The following COL6A5 variants were observed in gnomAD, a reference collection of about 807,000 sequenced individuals.
The protein encoded by COL6A5 is collagen alpha-5(VI) chain.
A neutral mutation model predicts 65.6 loss-of-function variants in COL6A5; 48 were observed. The ratio of observed to expected loss-of-function variants is 0.73; its 90% CI spans 0.58 to 0.93. The LOEUF is 0.93. Among genes scored for constraint, COL6A5 ranks in the 40% least tolerant of loss-of-function variants. The pLI is 0.00. For missense variants in COL6A5, 914 were observed against 928.3 expected (o/e 0.98, Z 0.20); for synonymous variants, 291 against 322.8 (o/e 0.90, Z 1.05).
intron 1 of COL6A5, among the ~76,000 whole-genome samples, chr3:130,437,750 C>T (rs1176815897): frequency 1.3e-5 from 2 of 152,194 alleles, no homozygotes; most frequent in East Asian, 3.9e-4. Context: ...TTTCACCTGG[C>T]TATTTCCTAT....
At chr3:130,395,489 C>G (rs1239805945) in intron 8 of COL6A5, 24 bp downstream of exon 8, 6 of 1,504,630 alleles carry the variant, frequency 4.0e-6, no homozygotes, top group Non-Finnish European at 8.9e-7. Context: ...GTTTGGTTTT[C>G]TTCCATGGAA....
chr3:130,398,997 G>A (rs889012281), intron 10 of COL6A5, among the ~76,000 whole-genome samples: 9 of 152,220 alleles, frequency 5.9e-5, no homozygotes, highest in Non-Finnish European at 1.3e-4. Flanking sequence ...AGATAGCAAC[G>A]TGGATTTGGA....
rs537700765 is a variant in COL6A5 at position 130,410,529 on chromosome 3, G to T, written c.4662+5G>T. ...CCTAGTTCCAGAGGCAGCAGGGTAA[G>T]TATTTCTGTGGACATTTATTTCCCC... On this transcript the variant is annotated splice_donor_5th_base_variant and intron_variant and NMD_transcript_variant, in intron 20 of 41. Transcript: ENST00000312481. 1.9e-6 allele frequency: 3 copies of T among 1,549,422 alleles called. No individual in the cohort carries two copies. Among genetic ancestry groups the T allele is most frequent in the Non-Finnish European group, 2.6e-6 (3 of 1,145,154 alleles).
chr3:130,455,782 T>C (rs1200647797), intron 5 of COL6A5, 116 bp downstream of exon 37: 21 of 740,854 alleles, frequency 2.8e-5, no homozygotes, highest in Non-Finnish European at 3.8e-5. Flanking sequence ...TTTTTTAAAG[T>C]TCATTATGGT....
At chr3:130,399,634 G>A (rs1417738329) in intron 10 of COL6A5, among the ~76,000 whole-genome samples, 1 of 151,784 alleles carries the variant, frequency 6.6e-6, no homozygotes, top group Non-Finnish European at 1.5e-5. Flanking sequence ...GCCTCCCAAA[G>A]TGCTGGGATT....
chr3:130,362,722 C>T (rs1425941256), intron 1 of COL6A5, among the ~76,000 whole-genome samples: 2 of 152,156 alleles, frequency 1.3e-5, no homozygotes, highest in Non-Finnish European at 2.9e-5. Context: ...TTGGGAAGAA[C>T]TGACATCTTG....
chr3:130,421,593 G>A (rs2107684831), intron 27 of COL6A5, among the ~76,000 whole-genome samples: 1 of 152,134 alleles, frequency 6.6e-6, no homozygotes, highest in East Asian at 1.9e-4. Context: ...CTACCTCCAG[G>A]TATCCTCTCA....
At chr3:130,388,888 G>T in exon 6 of COL6A5, 3 of 1,549,272 alleles carry the variant, frequency 1.9e-6, no homozygotes, top group South Asian at 1.2e-5. Context: ...CTCCAAGGGG[G>T]CCCGTTTGGG....
At chr3:130,443,292 C>G (rs750847263) in intron 3 of COL6A5, among the ~76,000 whole-genome samples, 184 bp from the exon 36 acceptor site, 36 of 152,108 alleles carry the variant, frequency 2.4e-4, no homozygotes, top group Non-Finnish European at 3.8e-4. Context: ...GCTGCTAAAA[C>G]ACTCTGAAAT....
chr3:130,357,251 T>A (rs1234508435), intron 1 of COL6A5, among the ~76,000 whole-genome samples: 2 of 152,174 alleles, frequency 1.3e-5, no homozygotes, highest in Non-Finnish European at 2.9e-5. Flanking sequence ...GGAGGGCACA[T>A]GAATGATAAC....
At chr3:130,373,358 T>C (rs1024792686) in intron 1 of COL6A5, among the ~76,000 whole-genome samples, 3 of 152,128 alleles carry the variant, frequency 2.0e-5, no homozygotes, top group Admixed American at 6.5e-5. Context: ...CCCTATAAGA[T>C]TGTTGTGAGG....
Position 130,400,912 on chromosome 3 carries a change from T to C in COL6A5, c.3992-119T>C, listed in dbSNP as rs11709317. 5,801 of 814,492 alleles carry C rather than the reference T, an allele frequency of 7.1e-3. 38 individuals are homozygous for C. The highest frequency in any genetic ancestry group is 0.012 in the Admixed American group (324 of 27,948). The allele number at this position is 814,492 out of a possible 1,614,324, so 50.5% of individuals were successfully genotyped here. ...GTCAGGAGTACTCCTTCCTCTTATG[T>C]TTGTTTTTTTCCCCTTTTCAATTCT... On this transcript the variant is annotated intron_variant and NMD_transcript_variant, in intron 10 of 41. Coordinates refer to the COL6A5 transcript ENST00000312481.
At chr3:130,467,701 G>A (rs535058134) in intron 5 of COL6A5, among the ~76,000 whole-genome samples, 2 of 152,058 alleles carry the variant, frequency 1.3e-5, no homozygotes, top group Middle Eastern at 3.4e-3. Context: ...CATGGTGGTG[G>A]GGTATTTTTC....
intron 2 of COL6A5, among the ~76,000 whole-genome samples, chr3:130,374,134 A>G (rs1222364107): frequency 1.3e-5 from 2 of 152,104 alleles, no homozygotes; most frequent in Non-Finnish European, 2.9e-5. Context: ...ACACACACAC[A>G]CAGTCATACG....
chr3:130,407,361 AT>A (rs1475325449), intron 17 of COL6A5, among the ~76,000 whole-genome samples: 2 of 152,208 alleles, frequency 1.3e-5, no homozygotes, highest in African/African-American at 4.8e-5. Flanking sequence ...CCGTAAGGCA[AT>A]GGGGAGCCTT....
intron 7 of COL6A5, chr3:130,476,993 C>A: frequency 2.0e-6 from 2 of 1,008,174 alleles, no homozygotes; most frequent in Admixed American, 2.0e-5. Flanking sequence ...CTCATGAAAG[C>A]TTAATGACTG....
intron 5 of COL6A5, among the ~76,000 whole-genome samples, chr3:130,465,426 A>G (rs530206172): frequency 6.6e-6 from 1 of 152,156 alleles, no homozygotes; most frequent in African/African-American, 2.4e-5. Flanking sequence ...GCTAGGAATC[A>G]TGTTTTTTTT....
intron 1 of COL6A5, among the ~76,000 whole-genome samples, chr3:130,356,165 G>A (rs963057654): frequency 1.3e-5 from 2 of 152,086 alleles, no homozygotes; most frequent in Non-Finnish European, 2.9e-5. Flanking sequence ...TGGCGCAAGC[G>A]ATAATCAAAA....
chr3:130,445,274 AG>A (rs1709279497), intron 4 of COL6A5, among the ~76,000 whole-genome samples: 1 of 152,190 alleles, frequency 6.6e-6, no homozygotes, highest in Non-Finnish European at 1.5e-5. Context: ...ATTGAGGGGG[AG>A]GATTCCCAAG....
Sources: gnomAD v4.1 joint callset for allele counts (sites outside exome capture counted in the v4.1 genomes callset) on GRCh38, gnomAD v4.1.1 for gene constraint, MANE v1.5 for transcripts, NCBI Gene and HGNC (gene_info 2026-07-23, HGNC 2026-07-21) for gene names.